Variants in ZCCHC14 observed in about 807,000 individuals in gnomAD.
The protein encoded by ZCCHC14 is zinc finger CCHC domain-containing protein 14.
Under a neutral mutation model 85.0 loss-of-function variants are expected in ZCCHC14, and 16 were observed. The observed-to-expected ratio is 0.19, with a 90% confidence interval of 0.13 to 0.29. The LOEUF is 0.29. Ranked by LOEUF, ZCCHC14 falls within the 10% of genes least tolerant of loss-of-function variation. The pLI, the probability that ZCCHC14 is intolerant of heterozygous loss-of-function variation, is 1.00. For synonymous variants in ZCCHC14, 775 were observed against 630.7 expected (o/e 1.23, Z -3.43); for missense variants, 1,303 against 1,443.5 (o/e 0.90, Z 1.58).
At chr16:87,474,404 G>A (rs1001977319) in intron 1 of ZCCHC14, 1 of 152,240 alleles carries the variant, frequency 6.6e-6, no homozygotes, top group Non-Finnish European at 1.5e-5. Context: ...CTTCCTCAGG[G>A]AGAGTGAATT....
At chr16:87,417,882 G>A (rs1908878366) in intron 7 of ZCCHC14, 140 bp from the exon 8 acceptor site, 4 of 1,004,440 alleles carry the variant, frequency 4.0e-6, no homozygotes, top group Admixed American at 5.9e-5. Context: ...ACCCTGAACT[G>A]CCAACACTGC....
At chr16:87,416,284 G>A (rs1027567429) in intron 8 of ZCCHC14, among the ~76,000 whole-genome samples, 3 of 152,088 alleles carry the variant, frequency 2.0e-5, no homozygotes, top group African/African-American at 2.4e-5. Flanking sequence ...TGCCATCCAC[G>A]CTGAATGGTT....
intron 1 of ZCCHC14, among the ~76,000 whole-genome samples, chr16:87,486,213 A>G (rs1035208444): frequency 1.3e-5 from 2 of 152,150 alleles, no homozygotes; most frequent in African/African-American, 4.8e-5. Flanking sequence ...ATCAACAGAA[A>G]TACTACCACC....
chr16:87,483,416 G>A (rs761592683), intron 1 of ZCCHC14, among the ~76,000 whole-genome samples: 4 of 148,490 alleles, frequency 2.7e-5, no homozygotes, highest in African/African-American at 1.0e-4. Context: ...GCTTGAACCC[G>A]GGAGGCAAAG....
intron 12 of ZCCHC14, among the ~76,000 whole-genome samples, chr16:87,410,827 A>T (rs1908396411): frequency 6.6e-6 from 1 of 152,234 alleles, no homozygotes; most frequent in African/African-American, 2.4e-5. Flanking sequence ...TGTTACAGGC[A>T]GGTCTGAGAA....
Position 87,492,731 on chromosome 16 carries a change from C to T in ZCCHC14, c.-493G>A, listed in dbSNP as rs1380896784. ...CGTCGCCGCCGCCCGCGCCTCCGCC[C>T]AGGCCGGCCGTTACCCCGGGCCGCG... On this transcript the variant is annotated 5_prime_UTR_variant, in exon 1 of 13. Transcript: ENST00000671377. This position sits in a 1 kb window ranked among gnomAD's most constrained non-coding sequence, Gnocchi z 6.7. 1 of 146,496 alleles carries T rather than the reference C, an allele frequency of 6.8e-6. No individual in the cohort carries two copies. Among genetic ancestry groups the T allele is most frequent in the Non-Finnish European group, 1.5e-5 (1 of 65,852 alleles). The allele number at this position is 146,496 out of a possible 1,614,324, so 9.1% of individuals were successfully genotyped here. A position where few individuals can be genotyped will look rare whatever the true frequency, so the allele number is the denominator to read the frequency against.
At position 87,412,125 on chromosome 16, in the gene ZCCHC14, G is replaced by A. The variant is rs759597785; in HGVS notation, c.2596C>T (p.Pro866Ser). 5 of 1,613,750 alleles carry A rather than the reference G, an allele frequency of 3.1e-6. No individual in the cohort carries two copies. The highest frequency in any genetic ancestry group is 3.3e-5 in the Admixed American group (2 of 60,028). The change falls in exon 12 of 13, where the codon CCC becomes TCC. Residue 866 changes from proline to serine, a missense_variant. Physicochemically the swap from Pro to Ser is moderately conservative, Grantham distance 74. Coordinates refer to ENST00000671377, the MANE Select transcript of ZCCHC14 (RefSeq NM_015144.3). ...GAGGACAGCGCCGGGCTGGAGCTGG[G>A]GGCTGGGCAGCTGGGCAACGTGGCC... ...NMATLPSCPA[P>S]SSSPALSSVP...
intron 1 of ZCCHC14, chr16:87,471,890 T>C (rs1911787548): frequency 6.6e-6 from 1 of 152,330 alleles, no homozygotes; most frequent in Non-Finnish European, 1.5e-5. Context: ...CATTTCTGCC[T>C]TCCTAGCCCC....
rs925456556 is a variant in ZCCHC14, at chr16:87,407,341, T to C, written c.*2939A>G. On this transcript the variant is annotated 3_prime_UTR_variant, in exon 13 of 13. Coordinates refer to ENST00000671377, the MANE Select transcript of ZCCHC14 (RefSeq NM_015144.3). ...CTGGTTTTTAAAATACCCAATCACA[T>C]ATATGCATTCAAGAAAATATTTTGT... The C allele has an allele frequency of 1.3e-5, 2 of 152,252 alleles. No individual in the cohort carries two copies. Among genetic ancestry groups the C allele is most frequent in the Non-Finnish European group, 2.9e-5 (2 of 68,042 alleles). 9.4% of individuals were successfully genotyped at this position (152,252 alleles called of 1,614,324 possible).
chr16:87,480,127 G>A (rs1406804337), intron 1 of ZCCHC14, among the ~76,000 whole-genome samples: 1 of 152,060 alleles, frequency 6.6e-6, no homozygotes, highest in Non-Finnish European at 1.5e-5. Flanking sequence ...AGTAGGGCCA[G>A]GCGCAGTGGC....
chr16:87,475,697 T>C (rs1005152769), intron 1 of ZCCHC14, among the ~76,000 whole-genome samples: 1 of 151,306 alleles, frequency 6.6e-6, no homozygotes, highest in Non-Finnish European at 1.5e-5. Flanking sequence ...ATAAAAAGTA[T>C]CCAACCCAAA....
chr16:87,490,597 G>A (rs1211253857), intron 1 of ZCCHC14, among the ~76,000 whole-genome samples: 1 of 152,202 alleles, frequency 6.6e-6, no homozygotes, highest in Non-Finnish European at 1.5e-5. Flanking sequence ...GGTTCAATTT[G>A]GAGACCGGAG....
rs1178840559 is a variant in ZCCHC14, at chr16:87,409,885, G to C, written c.*395C>G. 1 of 165,284 alleles carries C rather than the reference G, an allele frequency of 6.1e-6. No homozygotes were observed. Among genetic ancestry groups the C allele is most frequent in the Non-Finnish European group, 1.3e-5 (1 of 76,704 alleles). The allele number at this position is 165,284 out of a possible 1,614,324, so 10.2% of individuals were successfully genotyped here. ...GCCCAGGGGTGTCAGGAGTCCGGCG[G>C]GTGGAACTCCACTTGGAGAACTCCA... On this transcript the variant is annotated 3_prime_UTR_variant, in exon 13 of 13. Coordinates refer to ENST00000671377, the MANE Select transcript of ZCCHC14 (RefSeq NM_015144.3).
intron 1 of ZCCHC14, among the ~76,000 whole-genome samples, chr16:87,479,277 G>A (rs1458884342): frequency 2.0e-5 from 3 of 152,032 alleles, no homozygotes; most frequent in Non-Finnish European, 4.4e-5. Flanking sequence ...TTAGCCGGGT[G>A]TGGTGGCGGG....
rs769416913 is a variant in ZCCHC14 at position 87,477,120 on chromosome 16, C to CAAAAAAAAAA, written c.570+14539_570+14548dup. ...AGCCTGACAGAGAGAGACTCAGTCT[C>CAAAAAAAAAA]AAAAAAAAAAAAAAAAAAAAACAAA... On this transcript the variant is annotated intron_variant, in intron 1 of 12. Coordinates refer to ENST00000671377, the MANE Select transcript of ZCCHC14 (RefSeq NM_015144.3). Among the ~76,000 whole-genome samples, 133 of 40,184 alleles carry CAAAAAAAAAA rather than the reference C, an allele frequency of 3.3e-3. 5 individuals are homozygous for CAAAAAAAAAA. The highest frequency in any genetic ancestry group is 0.01 in the African/African-American group (70 of 6,984). The allele number at this position is 40,184 out of a possible 152,430, so 26.4% of individuals were successfully genotyped here.
At chr16:87,415,255 C>G in intron 9 of ZCCHC14, 21 bp downstream of exon 9, 1 of 1,612,758 alleles carries the variant, frequency 6.2e-7, no homozygotes, top group South Asian at 1.1e-5. Context: ...ACACAGGTTT[C>G]AAAACCCACT....
chr16:87,414,715 C>A (rs1179094172), intron 9 of ZCCHC14, among the ~76,000 whole-genome samples, 174 bp from the exon 10 acceptor site: 1 of 152,238 alleles, frequency 6.6e-6, no homozygotes, highest in Non-Finnish European at 1.5e-5. Context: ...AGGCAAGGAA[C>A]TCATTCTGAT....
chr16:87,431,400 G>A (rs1286634598), intron 3 of ZCCHC14, among the ~76,000 whole-genome samples: 3 of 150,896 alleles, frequency 2.0e-5, no homozygotes, highest in African/African-American at 7.3e-5. Flanking sequence ...GTGAACCCGG[G>A]AGGCGGAGCT....
At chr16:87,445,777 T>C (rs117920739) in intron 2 of ZCCHC14, among the ~76,000 whole-genome samples, 3,571 of 152,284 alleles carry the variant, frequency 0.023, 66 homozygotes, top group Non-Finnish European at 0.036. Context: ...CACAAACATT[T>C]TTCCAGAACA....
Sources: gnomAD v4.1 joint callset for allele counts (sites outside exome capture counted in the v4.1 genomes callset) on GRCh38, gnomAD v4.1.1 for gene constraint, Gnocchi (gnomAD v3.1) non-coding constraint, MANE v1.5 for transcripts, NCBI Gene and HGNC (gene_info 2026-07-23, HGNC 2026-07-21) for gene names.